The following NBPF12 variants were observed in gnomAD, a reference collection of about 807,000 sequenced individuals.
The protein encoded by NBPF12 is NBPF family member NBPF12.
In NBPF12, 115 loss-of-function variants were observed where a neutral mutation model predicts 146.4. That is an observed-to-expected ratio of 0.79 (90% CI 0.68 to 0.92). The LOEUF (loss-of-function observed/expected upper bound fraction) is 0.92, where lower values mean the gene tolerates loss of function less well. Among genes scored for constraint, NBPF12 ranks in the 40% least tolerant of loss-of-function variants. The probability of loss-of-function intolerance (pLI) is 0.00; values close to 1 mark genes in which losing one functional copy is unlikely to be tolerated. For synonymous variants in NBPF12, 385 were observed against 508.9 expected, an observed-to-expected ratio of 0.76 and a Z score of 3.28; for missense variants, 1,205 against 1,326.8, an observed-to-expected ratio of 0.91 and a Z score of 1.43.
At chr1:146,941,303 C>T (rs1654792051) in intron 1 of NBPF12, among the ~76,000 whole-genome samples, 1 of 151,930 alleles carries the variant, frequency 6.6e-6, no homozygotes, top group Admixed American at 6.5e-5. Flanking sequence ...TAGCCCGATA[C>T]GGAATTCCTG....
chr1:146,994,276 G>T (rs587635876), intron 33 of NBPF12, 56 bp from the exon 37 acceptor site: 47 of 1,610,898 alleles, frequency 2.9e-5, no homozygotes, highest in South Asian at 2.4e-4. Flanking sequence ...ATCTAGTGAG[G>T]CTCTGTGGTG....
rs1386082789 is a variant in NBPF12 at position 146,957,808 on chromosome 1, C to G, written c.-183-2051C>G. On this transcript the variant is annotated intron_variant, in intron 2 of 33. Transcript: ENST00000617844. ...ACTCTGCTAGCTGTGCAGTAGCCCTCGCTCCGCCACTTAAAAAAGAAAAAA... is the reference window on the plus strand; with the variant it reads ...ACTCTGCTAGCTGTGCAGTAGCCCTGGCTCCGCCACTTAAAAAAGAAAAAA... The G allele has an allele frequency of 3.3e-5, 4 of 121,796 alleles. 1 individual carries two copies. The highest frequency in any genetic ancestry group is 7.0e-5 in the Non-Finnish European group (4 of 57,132). The allele number at this position is 121,796 out of a possible 1,614,324, so 7.5% of individuals were successfully genotyped here. A position where few individuals can be genotyped will look rare whatever the true frequency, so the allele number is the denominator to read the frequency against.
At chr1:146,981,395 G>A (rs1462427307) in intron 19 of NBPF12, among the ~76,000 whole-genome samples, 1 of 149,852 alleles carries the variant, frequency 6.7e-6, no homozygotes, top group Non-Finnish European at 1.5e-5. Flanking sequence ...ACTCTCTTCT[G>A]GCTTGTAGGG....
chr1:146,968,630 G>T, intron 10 of NBPF12, 80 bp downstream of exon 13: 3 of 1,326,282 alleles, frequency 2.3e-6, no homozygotes, highest in South Asian at 2.3e-5. Flanking sequence ...GGAGACTTAA[G>T]AGCTAAGCTG....
At chr1:146,954,899 A>T in intron 2 of NBPF12, among the ~76,000 whole-genome samples, 1 of 99,436 alleles carries the variant, frequency 1.0e-5, no homozygotes, top group East Asian at 3.1e-4. Flanking sequence ...ACACACACAA[A>T]CGTGTGTGTG....
chr1:146,994,376 A>T, exon 34 of NBPF12: 3 of 1,612,372 alleles, frequency 1.9e-6, no homozygotes, highest in Non-Finnish European at 1.7e-6. Flanking sequence ...GAAGTCTTGC[A>T]GGACTCACTG....
intron 14 of NBPF12, among the ~76,000 whole-genome samples, chr1:146,974,013 G>C (rs1273953060): frequency 2.0e-5 from 3 of 150,902 alleles, no homozygotes; most frequent in Admixed American, 2.0e-4. Context: ...TTCCTCACCT[G>C]TTCAGAGGGT....
chr1:146,981,651 C>G (rs1177679608), intron 19 of NBPF12, among the ~76,000 whole-genome samples: 2 of 151,820 alleles, frequency 1.3e-5, no homozygotes, highest in African/African-American at 4.9e-5. Flanking sequence ...AAGAATGTTT[C>G]CCAGCTTGGT....
At chr1:146,977,385 G>C in intron 17 of NBPF12, 81 bp from the exon 21 acceptor site, 1 of 746,694 alleles carries the variant, frequency 1.3e-6, no homozygotes, top group Non-Finnish European at 2.2e-6. Context: ...AATGCCGCCT[G>C]TCAAAACCAG....
chr1:146,949,861 A>G (rs1655247810), intron 1 of NBPF12, among the ~76,000 whole-genome samples: 1 of 151,824 alleles, frequency 6.6e-6, no homozygotes, highest in Non-Finnish European at 1.5e-5. Flanking sequence ...CTTTCAACCA[A>G]TAACAACTTA....
chr1:146,992,492 G>T (rs1267060742), intron 31 of NBPF12, among the ~76,000 whole-genome samples: 8 of 135,716 alleles, frequency 5.9e-5, no homozygotes, highest in African/African-American at 1.9e-4. Context: ...GTGTGTGTGT[G>T]TGTGTGTGTG....
Position 146,973,176 on chromosome 1 carries a change from G to A in NBPF12, c.1801+216G>A, listed in dbSNP as rs1211318416. 4.8e-5 allele frequency among the ~76,000 whole-genome samples: 7 copies of A among 144,456 alleles called. 1 individual carries two copies. Among genetic ancestry groups the A allele is most frequent in the Non-Finnish European group, 1.0e-4 (7 of 67,156 alleles). 94.8% of individuals were successfully genotyped at this position (144,456 alleles called of 152,430 possible). The stretch of plus-strand genomic sequence containing the variant: ...TTGCAATCAGGTGGGGGTGGGACTA[G>A]AATTAAACTGCCATTTATTGATTTC... On this transcript the variant is annotated intron_variant, in intron 14 of 33. Transcript: ENST00000617844.
intron 1 of NBPF12, 46 bp downstream of exon 1, chr1:146,939,058 C>A (rs1171890422): frequency 6.6e-6 from 1 of 152,142 alleles, no homozygotes; most frequent in African/African-American, 2.4e-5. Flanking sequence ...AGGCGCGGCG[C>A]GCTGGGCCGC....
chr1:146,963,718 G>A (rs1445458290), intron 6 of NBPF12, among the ~76,000 whole-genome samples: 1 of 150,892 alleles, frequency 6.6e-6, no homozygotes, highest in Non-Finnish European at 1.5e-5. Context: ...CTCTCCATCT[G>A]CAAAGGCAGA....
chr1:146,950,998 G>C (rs1357610823), intron 1 of NBPF12, among the ~76,000 whole-genome samples: 4 of 152,010 alleles, frequency 2.6e-5, no homozygotes, highest in Non-Finnish European at 5.9e-5. Context: ...TTTTCCCAAA[G>C]TGTTTATACT....
In NBPF12 at chr1:146,994,767, G is replaced by T. The variant is rs1559534246; in HGVS notation, c.*192G>T. 7.4e-6 allele frequency: 7 copies of T among 946,266 alleles called. No individual in the cohort carries two copies. In the East Asian group the frequency reaches 8.0e-5, roughly 11 times the overall value. 58.6% of individuals were successfully genotyped at this position (946,266 alleles called of 1,614,324 possible). A position where few individuals can be genotyped will look rare whatever the true frequency, so the allele number is the denominator to read the frequency against. On this transcript the variant is annotated 3_prime_UTR_variant, in exon 34 of 34. Coordinates refer to ENST00000617844, the Ensembl canonical transcript of NBPF12. Reference sequence around the variant, plus strand: ...TCTGAAGACAATGGACCCACGTTAGGTGTGACACGTTCACATAACTGTGCA... The same window carrying T: ...TCTGAAGACAATGGACCCACGTTAGTTGTGACACGTTCACATAACTGTGCA...
upstream of NBPF12, among the ~76,000 whole-genome samples, chr1:146,945,820 C>A (rs1157078460): frequency 6.6e-6 from 1 of 151,996 alleles, no homozygotes; most frequent in Admixed American, 6.5e-5. Context: ...CCATAGTTTA[C>A]GTTAGAGTTC....
rs1448025608 is a variant in NBPF12 at position 146,958,162 on chromosome 1, G to C, written c.-183-1697G>C. On this transcript the variant is annotated intron_variant, in intron 2 of 33. Coordinates refer to ENST00000617844, the Ensembl canonical transcript of NBPF12. ...AGCCCTCACCCCATGACAGGCCCTG[G>C]TGTGTGATGTTCCCCGCCCTGTGTC... 2.6e-5 allele frequency among the ~76,000 whole-genome samples: 3 copies of C among 115,764 alleles called. 1 individual carries two copies. Among genetic ancestry groups the C allele is most frequent in the Non-Finnish European group, 3.7e-5 (2 of 53,384 alleles). 75.9% of individuals were successfully genotyped at this position (115,764 alleles called of 152,430 possible). A position where few individuals can be genotyped will look rare whatever the true frequency, so the allele number is the denominator to read the frequency against.
chr1:146,971,047 C>T (rs1206285469), intron 12 of NBPF12, 136 bp from the exon 16 acceptor site: 10 of 1,385,088 alleles, frequency 7.2e-6, no homozygotes, highest in Non-Finnish European at 1.0e-5. Flanking sequence ...TTGCCTGTTC[C>T]CTCTTAAAGG....
Sources: gnomAD v4.1 joint callset for allele counts (sites outside exome capture counted in the v4.1 genomes callset) on GRCh38, gnomAD v4.1.1 for gene constraint, MANE v1.5 for transcripts, NCBI Gene and HGNC (gene_info 2026-07-23, HGNC 2026-07-21) for gene names.